The following HS3ST4 variants were observed in gnomAD, a reference collection of about 807,000 sequenced individuals.
HS3ST4 encodes heparan sulfate-glucosamine 3-sulfotransferase 4.
In HS3ST4, 17 loss-of-function variants were observed where a neutral mutation model predicts 29.2. The ratio of observed to expected loss-of-function variants is 0.58; its 90% CI spans 0.40 to 0.87. The LOEUF (loss-of-function observed/expected upper bound fraction) is 0.87. HS3ST4 is among the 40% of genes least tolerant of loss of function. The pLI, the probability that HS3ST4 is intolerant of heterozygous loss-of-function variation, is 0.00. For missense variants in HS3ST4, 627 were observed against 634.5 expected (o/e 0.99, Z 0.13); for synonymous variants, 314 against 285.7 (o/e 1.10, Z -1.00).
chr16:25,843,639 C>A (rs1002794319), intron 1 of HS3ST4, among the ~76,000 whole-genome samples: 1 of 152,162 alleles, frequency 6.6e-6, no homozygotes, highest in Non-Finnish European at 1.5e-5. Flanking sequence ...GAACTCAGCT[C>A]TTTTGGCAAA....
At chr16:25,828,549 C>T (rs1967259914) in intron 1 of HS3ST4, among the ~76,000 whole-genome samples, 1 of 151,800 alleles carries the variant, frequency 6.6e-6, no homozygotes, top group African/African-American at 2.4e-5. Flanking sequence ...TCTTGTTGGC[C>T]AGGCCAGACT....
At chr16:25,990,876 T>G (rs939773540) in intron 1 of HS3ST4, among the ~76,000 whole-genome samples, 5 of 152,218 alleles carry the variant, frequency 3.3e-5, no homozygotes, top group South Asian at 2.1e-4. Context: ...GCATTCATTG[T>G]GATGACAGCG....
chr16:25,782,450 A>G (rs1446527231), intron 1 of HS3ST4, among the ~76,000 whole-genome samples: 1 of 152,188 alleles, frequency 6.6e-6, no homozygotes, highest in African/African-American at 2.4e-5. Flanking sequence ...GTGTTTCACG[A>G]CAGCTCTCTC....
At chr16:25,767,055 ACCTTAAGAAGTTCCAT>A (rs1401558847) in intron 1 of HS3ST4, among the ~76,000 whole-genome samples, 1 of 152,222 alleles carries the variant, frequency 6.6e-6, no homozygotes, top group Non-Finnish European at 1.5e-5. Context: ...TTATAAATGT[ACCTTAAGAAGTTCCAT>A]GAATTGCAAA....
intron 1 of HS3ST4, among the ~76,000 whole-genome samples, chr16:26,090,374 C>G (rs1444080004): frequency 6.6e-6 from 1 of 151,998 alleles, no homozygotes; most frequent in African/African-American, 2.4e-5. Flanking sequence ...CTGTTGTCCA[C>G]GTTGGCCCAG....
chr16:25,996,193 AG>A lies in HS3ST4; in HGVS notation c.735-139418del, dbSNP rs1969157682. Among the ~76,000 whole-genome samples the A allele has an allele frequency of 2.0e-5, 3 of 152,146 alleles. 1 individual carries two copies. The highest frequency in any genetic ancestry group is 2.0e-4 in the Admixed American group (3 of 15,278). On this transcript the variant is annotated intron_variant, in intron 1 of 1. Coordinates refer to ENST00000331351, the MANE Select transcript of HS3ST4 (RefSeq NM_006040.3). Reference sequence around the variant, plus strand: ...ATTCTCTGCAGGCATTGGTGGTGACAGCCCTATACCTGATATCTTCTTAGAC... The same window carrying A: ...ATTCTCTGCAGGCATTGGTGGTGACACCCTATACCTGATATCTTCTTAGAC...
chr16:25,791,925 C>CT lies in HS3ST4; in HGVS notation c.734+98777dup, dbSNP rs1429979823. Among the ~76,000 whole-genome samples the CT allele has an allele frequency of 8.5e-5, 13 of 152,066 alleles. No individual in the cohort carries two copies. The East Asian group carries it at 2.3e-3, about 27-fold the overall frequency. Reference sequence around the variant, plus strand: ...GGATACCAGTGAGGAGAGCAGACATCTTTACTTGTCTCTTATTTCAGAGAG... The same window carrying CT: ...GGATACCAGTGAGGAGAGCAGACATCTTTTACTTGTCTCTTATTTCAGAGAG... On this transcript the variant is annotated intron_variant, in intron 1 of 1. Coordinates refer to ENST00000331351, the MANE Select transcript of HS3ST4 (RefSeq NM_006040.3).
intron 1 of HS3ST4, among the ~76,000 whole-genome samples, chr16:25,748,992 C>G (rs79348807): frequency 0.01 from 1,567 of 152,272 alleles, 79 homozygotes; most frequent in Admixed American, 0.081. Context: ...CTGGACAAAC[C>G]ATTCCAGAGT....
At chr16:25,841,369 G>T (rs1967411710) in intron 1 of HS3ST4, among the ~76,000 whole-genome samples, 1 of 152,064 alleles carries the variant, frequency 6.6e-6, no homozygotes, top group African/African-American at 2.4e-5. Flanking sequence ...GCGTGATCAT[G>T]GCTCATTGCA....
chr16:25,979,696 G>A (rs192279615), intron 1 of HS3ST4, among the ~76,000 whole-genome samples: 2 of 152,282 alleles, frequency 1.3e-5, no homozygotes, highest in Non-Finnish European at 2.9e-5. Flanking sequence ...TACAATCAGT[G>A]TAATGCGCTT....
At chr16:25,816,599 A>G (rs987501011) in intron 1 of HS3ST4, among the ~76,000 whole-genome samples, 1 of 152,260 alleles carries the variant, frequency 6.6e-6, no homozygotes, top group Non-Finnish European at 1.5e-5. Context: ...AACTAAGAGT[A>G]TGAATCTCTG....
At chr16:25,811,206 C>T (rs766306918) in intron 1 of HS3ST4, among the ~76,000 whole-genome samples, 1 of 151,968 alleles carries the variant, frequency 6.6e-6, no homozygotes, top group Admixed American at 6.6e-5. Flanking sequence ...AAAACACCTG[C>T]CTTTCCTACC....
intron 1 of HS3ST4, among the ~76,000 whole-genome samples, chr16:25,777,612 A>G (rs1311000509): frequency 1.3e-5 from 2 of 152,126 alleles, no homozygotes; most frequent in Non-Finnish European, 2.9e-5. Context: ...TACTAAAAAT[A>G]CAAAAATTAG....
chr16:25,832,912 G>A (rs114999193), intron 1 of HS3ST4, among the ~76,000 whole-genome samples: 1 of 152,190 alleles, frequency 6.6e-6, no homozygotes, highest in African/African-American at 2.4e-5. Flanking sequence ...AATGGCTTCT[G>A]AATGTGAATG....
intron 1 of HS3ST4, among the ~76,000 whole-genome samples, chr16:26,087,668 C>G (rs1898806369): frequency 6.6e-6 from 1 of 152,050 alleles, no homozygotes; most frequent in Non-Finnish European, 1.5e-5. Context: ...TGCTTGTGAC[C>G]AGAAGTGTTT....
At chr16:25,857,257 T>G (rs960166232) in intron 1 of HS3ST4, among the ~76,000 whole-genome samples, 1 of 152,100 alleles carries the variant, frequency 6.6e-6, no homozygotes, top group African/African-American at 2.4e-5. Context: ...TCTTGACTCT[T>G]AACTCTCTGG....
intron 1 of HS3ST4, among the ~76,000 whole-genome samples, chr16:26,108,704 A>G (rs1431164107): frequency 6.6e-6 from 1 of 152,210 alleles, no homozygotes; most frequent in Non-Finnish European, 1.5e-5. Context: ...GATCTTAATA[A>G]ATGTGAATGT....
At chr16:26,026,135 T>C (rs1466937035) in intron 1 of HS3ST4, among the ~76,000 whole-genome samples, 2 of 152,122 alleles carry the variant, frequency 1.3e-5, no homozygotes, top group Non-Finnish European at 2.9e-5. Context: ...TCTTGATCTC[T>C]TGACCTCGTG....
chr16:25,755,831 A>G (rs1966754248), intron 1 of HS3ST4, among the ~76,000 whole-genome samples: 1 of 151,982 alleles, frequency 6.6e-6, no homozygotes, highest in Non-Finnish European at 1.5e-5. Context: ...GCCCTTTCCA[A>G]CTGTATTCCC....
Sources: gnomAD v4.1 joint callset for allele counts (sites outside exome capture counted in the v4.1 genomes callset) on GRCh38, gnomAD v4.1.1 for gene constraint, MANE v1.5 for transcripts, NCBI Gene and HGNC (gene_info 2026-07-23, HGNC 2026-07-21) for gene names.